Variants in DAB1 observed in about 807,000 individuals in gnomAD.
DAB1 encodes DAB adaptor protein 1.
A neutral mutation model predicts 64.6 loss-of-function variants in DAB1; 15 were observed. The ratio of observed to expected loss-of-function variants is 0.23; its 90% CI spans 0.16 to 0.36. The LOEUF (loss-of-function observed/expected upper bound fraction) is 0.36, where lower values mean the gene tolerates loss of function less well. Among genes scored for constraint, DAB1 ranks in the 10% least tolerant of loss-of-function variants. The pLI is 1.00. For missense variants in DAB1, 596 were observed against 706.7 expected (o/e 0.84, Z 1.78); for synonymous variants, 235 against 251.9 (o/e 0.93, Z 0.64).
At chr1:58,023,256 C>T (rs1371620488) in intron 5 of DAB1, among the ~76,000 whole-genome samples, 1 of 152,138 alleles carries the variant, frequency 6.6e-6, no homozygotes, top group Non-Finnish European at 1.5e-5. Context: ...TCCAGAGCCT[C>T]TCTGGAAATA....
At chr1:57,011,905 T>C (rs1294915978) in intron 12 of DAB1, among the ~76,000 whole-genome samples, 2 of 152,202 alleles carry the variant, frequency 1.3e-5, no homozygotes, top group African/African-American at 4.8e-5. Context: ...TAAACACATG[T>C]TGAATAAAGA....
At chr1:58,494,034 T>G (rs1180279937) in intron 3 of DAB1, among the ~76,000 whole-genome samples, 1 of 151,968 alleles carries the variant, frequency 6.6e-6, no homozygotes, top group Non-Finnish European at 1.5e-5. Flanking sequence ...AAGGCTACAG[T>G]AACCAAAACA....
chr1:57,265,164 C>A (rs1009589265), intron 2 of DAB1, among the ~76,000 whole-genome samples: 1 of 152,218 alleles, frequency 6.6e-6, no homozygotes, highest in Non-Finnish European at 1.5e-5. Flanking sequence ...GCGCCCCACA[C>A]CCAGCCTCCA....
At chr1:58,091,350 G>A (rs1456794132) in intron 5 of DAB1, among the ~76,000 whole-genome samples, 1 of 152,090 alleles carries the variant, frequency 6.6e-6, no homozygotes, top group Non-Finnish European at 1.5e-5. Flanking sequence ...TCTAACCATG[G>A]CACAGCCCTC....
At chr1:57,809,039 C>G (rs900028060) in intron 6 of DAB1, among the ~76,000 whole-genome samples, 2 of 152,146 alleles carry the variant, frequency 1.3e-5, no homozygotes, top group Admixed American at 6.6e-5. Flanking sequence ...AAATATGAAC[C>G]TACAAACAGA....
At chr1:58,164,239 C>T (rs1474583914) in intron 4 of DAB1, among the ~76,000 whole-genome samples, 1 of 150,560 alleles carries the variant, frequency 6.6e-6, no homozygotes, top group Non-Finnish European at 1.5e-5. Context: ...AGAAGAGCTC[C>T]TTTTCTAAAT....
intron 5 of DAB1, among the ~76,000 whole-genome samples, chr1:58,126,654 T>G (rs1325737013): frequency 2.3e-5 from 3 of 130,646 alleles, no homozygotes; most frequent in Non-Finnish European, 3.1e-5. Context: ...TTCCCCTTCC[T>G]GTGTCCATGT....
chr1:57,852,936 T>C (rs1653597915), intron 1 of DAB1, among the ~76,000 whole-genome samples: 1 of 152,170 alleles, frequency 6.6e-6, no homozygotes. Context: ...GCTCAATAGA[T>C]ATCTGTTGAA....
chr1:58,356,544 A>G (rs186581262), intron 3 of DAB1, among the ~76,000 whole-genome samples: 1 of 152,216 alleles, frequency 6.6e-6, no homozygotes, highest in African/African-American at 2.4e-5. Context: ...GATTTGAACG[A>G]CAAGCAGAGA....
intron 4 of DAB1, among the ~76,000 whole-genome samples, chr1:58,336,312 T>C (rs1251909084): frequency 6.6e-6 from 1 of 152,236 alleles, no homozygotes; most frequent in Non-Finnish European, 1.5e-5. Context: ...GAAGGTTTTC[T>C]GGGTTCTGAT....
rs531708364 is a variant in DAB1 at position 57,323,484 on chromosome 1, C to G, written c.-136-32318G>C. ...AGGGGCCTTAAAGATTTCTTATTCCCCATAGATTCCATCACTCAAACATTA... is the reference window on the plus strand; with the variant it reads ...AGGGGCCTTAAAGATTTCTTATTCCGCATAGATTCCATCACTCAAACATTA... On this transcript the variant is annotated intron_variant, in intron 1 of 14. Transcript: ENST00000371236. Among the ~76,000 whole-genome samples the G allele has an allele frequency of 2.0e-5, 3 of 152,274 alleles. No individual in the cohort carries two copies. In the South Asian group the frequency reaches 6.2e-4, roughly 32 times the overall value.
rs185824195 is a variant in DAB1, at chr1:57,005,465, A to G, written c.*15+5215T>C. Among the ~76,000 whole-genome samples the G allele has an allele frequency of 2.4e-4, 36 of 152,286 alleles. 1 individual carries two copies. The highest frequency in any genetic ancestry group is 7.0e-4 in the African/African-American group (29 of 41,546). ...AGGGATTTCTGTCTTCTCCTTTGTT[A>G]GATGGGAATAGAGACAGCCTGAGGG... On this transcript the variant is annotated intron_variant, in intron 14 of 14. Transcript: ENST00000371236.
At chr1:57,254,835 C>T (rs974618398) in intron 2 of DAB1, among the ~76,000 whole-genome samples, 10 of 151,810 alleles carry the variant, frequency 6.6e-5, no homozygotes, top group Non-Finnish European at 1.0e-4. Context: ...AATAATGTTT[C>T]TACTCATCTC....
At chr1:57,869,793 G>A (rs1208801617) in intron 1 of DAB1, among the ~76,000 whole-genome samples, 3 of 152,060 alleles carry the variant, frequency 2.0e-5, no homozygotes, top group Admixed American at 6.6e-5. Context: ...ATCTGTTGGA[G>A]GTCTGTGCTG....
At chr1:57,714,575 T>C (rs1381801896) in intron 6 of DAB1, among the ~76,000 whole-genome samples, 2 of 152,162 alleles carry the variant, frequency 1.3e-5, no homozygotes, top group Non-Finnish European at 2.9e-5. Context: ...AACAAAGTTA[T>C]TGGAACTTGA....
chr1:57,366,258 A>T (rs1038926726), intron 1 of DAB1, among the ~76,000 whole-genome samples: 2 of 152,246 alleles, frequency 1.3e-5, no homozygotes, highest in Admixed American at 6.5e-5. Context: ...TTATCAGGAA[A>T]TTTTAACCTA....
chr1:57,289,413 A>G (rs988799357), intron 2 of DAB1, among the ~76,000 whole-genome samples: 5 of 152,174 alleles, frequency 3.3e-5, no homozygotes, highest in Non-Finnish European at 7.3e-5. Flanking sequence ...TTCTTTTTCC[A>G]CACAGCAGTC....
At chr1:57,662,451 C>T (rs1646398989) in intron 6 of DAB1, among the ~76,000 whole-genome samples, 1 of 152,178 alleles carries the variant, frequency 6.6e-6, no homozygotes, top group Admixed American at 6.5e-5. Flanking sequence ...CCATCTCCAC[C>T]TCCCAAAGTG....
chr1:57,007,868 G>A (rs1646134765), intron 14 of DAB1, among the ~76,000 whole-genome samples: 1 of 152,202 alleles, frequency 6.6e-6, no homozygotes, highest in South Asian at 2.1e-4. Flanking sequence ...ATTGCAGTCA[G>A]TAAATTTTCA....
Sources: gnomAD v4.1 joint callset for allele counts (sites outside exome capture counted in the v4.1 genomes callset) on GRCh38, gnomAD v4.1.1 for gene constraint, MANE v1.5 for transcripts, NCBI Gene and HGNC (gene_info 2026-07-23, HGNC 2026-07-21) for gene names.